Variants in ZNF79 observed in about 807,000 individuals in gnomAD.
ZNF79 encodes zinc finger protein 79.
In ZNF79, 13 loss-of-function variants were observed where a neutral mutation model predicts 14.9. The ratio of observed to expected loss-of-function variants is 0.87; its 90% CI spans 0.57 to 1.38. The LOEUF (loss-of-function observed/expected upper bound fraction) is 1.38. ZNF79 is among the 40% of genes most tolerant of loss of function. The pLI is 0.00. For synonymous variants in ZNF79, 223 were observed against 235.1 expected, an observed-to-expected ratio of 0.95 and a Z score of 0.47; for missense variants, 631 against 630.6, an observed-to-expected ratio of 1.00 and a Z score of -0.01.
chr9:127,425,811 T>C (rs1318114109), intron 1 of ZNF79, among the ~76,000 whole-genome samples: 1 of 152,254 alleles, frequency 6.6e-6, no homozygotes, highest in Non-Finnish European at 1.5e-5. Context: ...CAAGCTGGCC[T>C]CAAACTCCTG....
chr9:127,444,850 A>G lies in ZNF79; in HGVS notation c.1150A>G (p.Thr384Ala). ...ANLTNHQRTH[T>A]GEKPYKCSEC... is the part of the protein sequence containing the mutation. Reference sequence around the variant, plus strand: ...CCTCACAAACCATCAGAGGACTCACACTGGGGAGAAACCCTACAAGTGCAG... The same window carrying G: ...CCTCACAAACCATCAGAGGACTCACGCTGGGGAGAAACCCTACAAGTGCAG... The change falls in exon 5 of 5, where the codon ACT becomes GCT. Residue 384 changes from threonine (T) to alanine (A), a missense_variant. Physicochemically the swap from Thr to Ala is moderately conservative, Grantham distance 58 (BLOSUM62 0). Coordinates refer to ENST00000342483, the MANE Select transcript of ZNF79 (RefSeq NM_007135.3). The G allele has an allele frequency of 6.2e-7, 1 of 1,613,970 alleles. No individual in the cohort carries two copies.
chr9:127,427,942 A>G (rs927619692), intron 1 of ZNF79, among the ~76,000 whole-genome samples: 3 of 151,444 alleles, frequency 2.0e-5, no homozygotes, highest in Non-Finnish European at 2.9e-5. Context: ...GCCTAATCCA[A>G]CCTCTCAAAG....
chr9:127,441,105 A>G (rs1057115813), intron 4 of ZNF79, among the ~76,000 whole-genome samples: 3 of 151,928 alleles, frequency 2.0e-5, no homozygotes, highest in African/African-American at 7.3e-5. Context: ...TTTTACTCAA[A>G]TAGATGGTCT....
intron 1 of ZNF79, 151 bp downstream of exon 1, chr9:127,424,954 G>A (rs755383075): frequency 1.4e-5 from 21 of 1,508,400 alleles, no homozygotes; most frequent in Non-Finnish European, 1.7e-5. Flanking sequence ...CCATGACACA[G>A]CCCCAGGAGA....
chr9:127,433,013 C>A (rs528027214), intron 2 of ZNF79, among the ~76,000 whole-genome samples: 1 of 152,050 alleles, frequency 6.6e-6, no homozygotes, highest in African/African-American at 2.4e-5. Flanking sequence ...AACTCCTGAC[C>A]GCAGGTGATC....
Position 127,445,188 on chromosome 9 carries a change from CGGAGA to C in ZNF79, c.1490_1494del (p.Gly497ValfsTer24). The stretch of plus-strand genomic sequence containing the variant: ...TCGTTAGACATCAGAGACTCCACGC[CGGAGA>C]GTAACTAGGAACATGGTAGAAGTGG... On this transcript the variant is annotated frameshift_variant, in exon 5 of 5. Transcript: ENST00000342483. LOFTEE classifies it high-confidence loss of function. 1.2e-6 allele frequency: 2 copies of C among 1,613,786 alleles called. No homozygotes were observed. The highest frequency in any genetic ancestry group is 2.2e-5 in the South Asian group (2 of 91,066).
intron 2 of ZNF79, among the ~76,000 whole-genome samples, chr9:127,429,785 G>A (rs1362919065): frequency 6.6e-6 from 1 of 150,900 alleles, no homozygotes; most frequent in Non-Finnish European, 1.5e-5. Context: ...ATTTTGATTT[G>A]TGTCCTCAGT....
chr9:127,432,646 G>A (rs1833882155), intron 2 of ZNF79, among the ~76,000 whole-genome samples: 1 of 151,964 alleles, frequency 6.6e-6, no homozygotes, highest in Non-Finnish European at 1.5e-5. Context: ...AAAAATGCCA[G>A]CACAGTCTGA....
At chr9:127,440,156 C>G (rs1330380780) in intron 4 of ZNF79, among the ~76,000 whole-genome samples, 2 of 152,188 alleles carry the variant, frequency 1.3e-5, no homozygotes. Context: ...GCCACCGCGC[C>G]CGGCCCACTA....
chr9:127,435,147 C>A lies in ZNF79; in HGVS notation c.163C>A (p.Leu55Ile). The A allele has an allele frequency of 6.2e-7, 1 of 1,613,320 alleles. No homozygotes were observed. The highest frequency in any genetic ancestry group is 8.5e-7 in the Non-Finnish European group (1 of 1,179,622). Residue 55 changes from leucine (L) to isoleucine (I), a missense_variant, in exon 3 of 5, where the codon CTC becomes ATC. Physicochemically the swap from Leu to Ile is conservative, Grantham distance 5 (BLOSUM62 2). Transcript: ENST00000342483. The part of the protein sequence containing the change: ...VAFAQERWRC[L>I]VSTPRDRFKE... ...TTTTGCACAGGAAAGGTGGAGGTGCCTCGTGTCTACTCCACGGGACAGGTT... is the reference window on the plus strand; with the variant it reads ...TTTTGCACAGGAAAGGTGGAGGTGCATCGTGTCTACTCCACGGGACAGGTT...
Position 127,431,800 on chromosome 9 carries a change from G to A in ZNF79, c.105+2880G>A, listed in dbSNP as rs576012515. On this transcript the variant is annotated intron_variant, in intron 2 of 4. Coordinates refer to ENST00000342483, the MANE Select transcript of ZNF79 (RefSeq NM_007135.3). ...GCCCAGTTTCACTCTTCTGCATATG[G>A]CTAGCCAGCTATCCCAGCATCATTG... Among the ~76,000 whole-genome samples the A allele has an allele frequency of 2.2e-4, 34 of 152,264 alleles. No homozygotes were observed. The South Asian group carries it at 6.8e-3, about 31-fold the overall frequency.
chr9:127,428,989 G>GT (rs1173836672), intron 2 of ZNF79, 69 bp downstream of exon 2: 3 of 1,025,072 alleles, frequency 2.9e-6, no homozygotes, highest in Admixed American at 3.2e-5. Flanking sequence ...GGGTTGCCTT[G>GT]TTTTTTGTTG....
At position 127,427,698 on chromosome 9, in the gene ZNF79, C is replaced by T. The variant is rs118106345; in HGVS notation, c.17-1134C>T. On this transcript the variant is annotated intron_variant, in intron 1 of 4. Transcript: ENST00000342483. ...CTGGGCCTGCAGGCATGCGCCACCACGGCTAATTTTTGTATTTTTAGTAGA... is the reference window on the plus strand; with the variant it reads ...CTGGGCCTGCAGGCATGCGCCACCATGGCTAATTTTTGTATTTTTAGTAGA... Among the ~76,000 whole-genome samples, 1,288 of 152,098 alleles carry T rather than the reference C, an allele frequency of 8.5e-3. 11 individuals are homozygous for T. The highest frequency in any genetic ancestry group is 0.012 in the Non-Finnish European group (842 of 67,992).
intron 4 of ZNF79, among the ~76,000 whole-genome samples, chr9:127,441,245 A>G (rs1031052438): frequency 1.3e-5 from 2 of 152,136 alleles, no homozygotes; most frequent in African/African-American, 4.8e-5. Flanking sequence ...TTCTGAGGGA[A>G]GCCTACTTAA....
Position 127,444,550 on chromosome 9 carries a change from A to G in ZNF79, c.850A>G (p.Lys284Glu), listed in dbSNP as rs765908223. Reference protein sequence around the residue: ...EKPYRCSECEKAFSDCSALVQ... With the variant: ...EKPYRCSECEEAFSDCSALVQ... Reference sequence around the variant, plus strand: ...GCCCTACAGATGCAGCGAGTGTGAGAAAGCCTTCAGTGACTGCTCAGCTCT... The same window carrying G: ...GCCCTACAGATGCAGCGAGTGTGAGGAAGCCTTCAGTGACTGCTCAGCTCT... Residue 284 changes from lysine (K) to glutamate (E), a missense_variant, in exon 5 of 5, where the codon AAA becomes GAA. Lys to Glu is a moderately conservative substitution (Grantham distance 56). Coordinates refer to ENST00000342483, the MANE Select transcript of ZNF79 (RefSeq NM_007135.3). 1.2e-5 allele frequency: 20 copies of G among 1,614,098 alleles called. No homozygotes were observed. The highest frequency in any genetic ancestry group is 1.6e-5 in the Non-Finnish European group (19 of 1,180,046).
In ZNF79 at chr9:127,435,091, G is replaced by A. The variant is rs369378719; in HGVS notation, c.107G>A (p.Gly36Glu). The stretch of plus-strand genomic sequence containing the variant: ...GATGAAATGTGCTTGTTTTTTCAGG[G>A]ATCCACATTCTTCAGCAGTGTGACG... Reference protein sequence around the residue: ...AAGLLTAGPRGSTFFSSVTVA... With the variant: ...AAGLLTAGPRESTFFSSVTVA... Residue 36 changes from glycine to glutamate, a missense_variant and splice_region_variant, in exon 3 of 5, where the codon GGA becomes GAA. Transcript: ENST00000342483. The A allele has an allele frequency of 9.3e-6, 15 of 1,606,168 alleles. No individual in the cohort carries two copies. Among genetic ancestry groups the A allele is most frequent in the African/African-American group, 1.3e-5 (1 of 74,204 alleles).
rs192844839 is a variant in ZNF79, at chr9:127,445,263, T to A, written c.*66T>A. On this transcript the variant is annotated 3_prime_UTR_variant, in exon 5 of 5. Transcript: ENST00000342483. ...GACTCAGGACAGGTGGGTGAGGATC[T>A]GAGAAATGCTAAAGGCTTGAAAGCA... 24 of 1,532,748 alleles carry A rather than the reference T, an allele frequency of 1.6e-5. No homozygotes were observed. In the East Asian group the frequency reaches 2.0e-4, roughly 13 times the overall value. 94.9% of individuals were successfully genotyped at this position (1,532,748 alleles called of 1,614,324 possible). A position where few individuals can be genotyped will look rare whatever the true frequency, so the allele number is the denominator to read the frequency against.
chr9:127,440,317 T>C (rs7859457), intron 4 of ZNF79, among the ~76,000 whole-genome samples: 91,889 of 151,890 alleles, frequency 0.6, 28,124 homozygotes, highest in African/African-American at 0.63. Context: ...ACATGGGAGC[T>C]GAGATCTGAA....
intron 1 of ZNF79, among the ~76,000 whole-genome samples, chr9:127,427,233 C>T (rs568354551): frequency 3.6e-4 from 52 of 143,648 alleles, no homozygotes; most frequent in Non-Finnish European, 6.8e-4. Flanking sequence ...GCCTGGCCAA[C>T]GTGGTGAAAC....
Sources: gnomAD v4.1 joint callset for allele counts (sites outside exome capture counted in the v4.1 genomes callset) on GRCh38, gnomAD v4.1.1 for gene constraint, MANE v1.5 for transcripts, NCBI Gene and HGNC (gene_info 2026-07-23, HGNC 2026-07-21) for gene names.